The following TDRD9 variants were observed in gnomAD, a reference collection of about 807,000 sequenced individuals.
TDRD9 encodes the protein tudor domain containing 9, also known as ATP-dependent RNA helicase TDRD9.
Under a neutral mutation model 172.6 loss-of-function variants are expected in TDRD9, and 124 were observed. The ratio of observed to expected loss-of-function variants is 0.72; its 90% CI spans 0.62 to 0.83. The LOEUF is 0.83. Among genes scored for constraint, TDRD9 ranks in the 40% least tolerant of loss-of-function variants. The probability of loss-of-function intolerance (pLI) is 0.00; values close to 1 mark genes in which losing one functional copy is unlikely to be tolerated. For missense variants in TDRD9, 1,479 were observed against 1,714.1 expected (o/e 0.86, Z 2.42); for synonymous variants, 619 against 617.1 (o/e 1.00, Z -0.05).
chr14:104,006,283 T>G, intron 15 of TDRD9, 106 bp from the exon 16 acceptor site: 1 of 871,556 alleles, frequency 1.1e-6, no homozygotes, highest in South Asian at 1.8e-5. Flanking sequence ...TAGAATGTTA[T>G]TCACCAAAAT....
chr14:103,935,801 C>T (rs191782133), intron 1 of TDRD9, among the ~76,000 whole-genome samples: 4 of 152,256 alleles, frequency 2.6e-5, no homozygotes, highest in East Asian at 3.9e-4. Context: ...TAGTGCCCTG[C>T]ACACGCATAT....
chr14:103,999,619 C>CT (rs889915089), intron 13 of TDRD9, among the ~76,000 whole-genome samples: 11 of 143,622 alleles, frequency 7.7e-5, no homozygotes, highest in East Asian at 2.0e-4. Flanking sequence ...TGAGAAGTGG[C>CT]TTTTTTTTTT....
intron 2 of TDRD9, among the ~76,000 whole-genome samples, chr14:103,962,258 C>G (rs974851256): frequency 2.0e-5 from 3 of 151,878 alleles, no homozygotes; most frequent in Admixed American, 6.6e-5. Context: ...ATTTTAGTAG[C>G]AGGGAATGCA....
Position 104,052,338 on chromosome 14 carries a change from G to T in TDRD9, c.*256G>T. On this transcript the variant is annotated 3_prime_UTR_variant, in exon 36 of 36. Transcript: ENST00000409874. Reference sequence around the variant, plus strand: ...CTGTATTAAATATTTTGGAAAGATTGTTCTGAAAGAAGTCTGTTTGGATAA... The same window carrying T: ...CTGTATTAAATATTTTGGAAAGATTTTTCTGAAAGAAGTCTGTTTGGATAA... The T allele has an allele frequency of 3.6e-6, 1 of 275,692 alleles. No individual in the cohort carries two copies. The highest frequency in any genetic ancestry group is 6.9e-6 in the Non-Finnish European group (1 of 144,664). The allele number at this position is 275,692 out of a possible 1,614,324, so 17.1% of individuals were successfully genotyped here.
chr14:103,986,291 G>A lies in TDRD9; in HGVS notation c.1086G>A (p.Met362Ile), dbSNP rs757301272. 24 of 1,613,280 alleles carry A rather than the reference G, an allele frequency of 1.5e-5. No individual in the cohort carries two copies. Among genetic ancestry groups the A allele is most frequent in the Non-Finnish European group, 1.8e-5 (21 of 1,179,432 alleles). The change falls in exon 8 of 36, where the codon ATG becomes ATA. Residue 362 changes from methionine to isoleucine, a missense_variant. Met to Ile is a conservative substitution (Grantham distance 10, BLOSUM62 1). This residue lies in a region of TDRD9 where 1,413 missense variants were observed against 1,649.1 expected (regional missense o/e 0.86). Coordinates refer to ENST00000409874, the MANE Select transcript of TDRD9 (RefSeq NM_153046.3). The part of the protein sequence containing the change: ...IYEVAVSLIQ[M>I]FDDLDMKESG... The stretch of plus-strand genomic sequence containing the variant: ...AAGTTGCTGTCTCTCTCATTCAGAT[G>A]TTTGATGACTTGGATATGAAGGAGA...
At chr14:103,979,479 G>A (rs955666457) in intron 7 of TDRD9, among the ~76,000 whole-genome samples, 4 of 152,210 alleles carry the variant, frequency 2.6e-5, no homozygotes, top group African/African-American at 9.7e-5. Context: ...TGGTGAGACT[G>A]GAAGAAGGTG....
At chr14:104,049,776 G>T (rs2035889668) in intron 35 of TDRD9, 96 bp downstream of exon 35, 2 of 1,064,254 alleles carry the variant, frequency 1.9e-6, no homozygotes, top group Middle Eastern at 3.0e-4. Context: ...GCTGGCCGAG[G>T]GTCTGAGAGG....
intron 21 of TDRD9, among the ~76,000 whole-genome samples, chr14:104,015,157 CTTTTG>C (rs1236651135): frequency 6.6e-6 from 1 of 152,008 alleles, no homozygotes; most frequent in Non-Finnish European, 1.5e-5. Context: ...AGGAGAGATC[CTTTTG>C]TTTTAGCTTT....
chr14:104,048,129 T>A (rs2035834828), intron 34 of TDRD9, among the ~76,000 whole-genome samples: 1 of 152,308 alleles, frequency 6.6e-6, no homozygotes, highest in South Asian at 2.1e-4. Flanking sequence ...GTTTTTGGGT[T>A]TTGTGGTTTT....
At chr14:103,950,710 A>G (rs1043924467) in intron 1 of TDRD9, among the ~76,000 whole-genome samples, 1 of 152,174 alleles carries the variant, frequency 6.6e-6, no homozygotes, top group African/African-American at 2.4e-5. Context: ...TGCTCATCAA[A>G]CGCTTAGCAA....
In TDRD9 at chr14:104,032,035, T is replaced by A. The variant is rs902826081; in HGVS notation, c.3457T>A (p.Phe1153Ile). 2 of 1,549,480 alleles carry A rather than the reference T, an allele frequency of 1.3e-6. No homozygotes were observed. Among genetic ancestry groups the A allele is most frequent in the Non-Finnish European group, 1.7e-6 (2 of 1,146,442 alleles). Reference sequence around the variant, plus strand: ...CACGCAGGCAGAACTTCACGGGCCTTTTAACCCTTATGAACTAAAGTGCCA... The same window carrying A: ...CACGCAGGCAGAACTTCACGGGCCTATTAACCCTTATGAACTAAAGTGCCA... ...PNCKAELHGP[F>I]NPYELKCHSL... Residue 1153 changes from phenylalanine to isoleucine, a missense_variant, in exon 30 of 36, where the codon TTT (phenylalanine) becomes ATT (isoleucine). Physicochemically the swap from Phe to Ile is conservative, Grantham distance 21 (BLOSUM62 0). Transcript: ENST00000409874.
chr14:104,026,970 G>GTT (rs773562966), intron 28 of TDRD9, 31 bp downstream of exon 28: 1 of 1,606,300 alleles, frequency 6.2e-7, no homozygotes, highest in East Asian at 2.2e-5. Flanking sequence ...TGGAGCACGC[G>GTT]TTTGTGTGAG....
chr14:103,941,487 G>C (rs971166420), intron 1 of TDRD9: 8 of 1,535,108 alleles, frequency 5.2e-6, no homozygotes, highest in Non-Finnish European at 7.0e-6. Flanking sequence ...AGTTGTGTGG[G>C]GATTCTGGTA....
intron 20 of TDRD9, among the ~76,000 whole-genome samples, chr14:104,009,892 A>G (rs1342080321): frequency 1.3e-5 from 2 of 151,946 alleles, no homozygotes; most frequent in East Asian, 3.9e-4. Context: ...CAGCCTCTGC[A>G]GTAGCTGGAA....
chr14:104,051,914 A>T (rs374626418), intron 35 of TDRD9, 67 bp from the exon 36 acceptor site: 1 of 937,058 alleles, frequency 1.1e-6, no homozygotes, highest in African/African-American at 1.6e-5. Context: ...ATGTTAATGC[A>T]TGTGTATTTT....
At position 103,997,613 on chromosome 14, in the gene TDRD9, G is replaced by A. The variant is rs1305913361; in HGVS notation, c.1379-1011G>A. Among the ~76,000 whole-genome samples the A allele has an allele frequency of 6.6e-6, 1 of 152,260 alleles. No homozygotes were observed. The highest frequency in any genetic ancestry group is 6.5e-5 in the Admixed American group (1 of 15,294). On this transcript the variant is annotated intron_variant, in intron 12 of 35. Transcript: ENST00000409874. The surrounding 1 kb of genome is among the most constrained non-coding windows in gnomAD (Gnocchi z 5.1). ...CGTCAGCCCGTGACTGGCGTTGGAA[G>A]GCAGGAACCTGGCCAAGCTCTTCTG... is the stretch of plus-strand genomic sequence containing the variant.
At chr14:103,983,435 A>G (rs560938102) in intron 7 of TDRD9, among the ~76,000 whole-genome samples, 31 of 152,250 alleles carry the variant, frequency 2.0e-4, no homozygotes, top group African/African-American at 7.0e-4. Flanking sequence ...TGGAAAAAAA[A>G]TTTGCCCCTG....
intron 6 of TDRD9, among the ~76,000 whole-genome samples, chr14:103,973,348 G>A (rs1184705610): frequency 6.6e-6 from 1 of 152,146 alleles, no homozygotes; most frequent in Non-Finnish European, 1.5e-5. Flanking sequence ...ACGGGCACAT[G>A]GGCTTTAAGG....
At chr14:103,954,876 G>A (rs534373111) in intron 1 of TDRD9, among the ~76,000 whole-genome samples, 4 of 151,954 alleles carry the variant, frequency 2.6e-5, no homozygotes, top group East Asian at 1.9e-4. Flanking sequence ...TGATCCGCCC[G>A]CCTTGGTCTC....
Sources: gnomAD v4.1 joint callset for allele counts (sites outside exome capture counted in the v4.1 genomes callset) on GRCh38, gnomAD v4.1.1 for gene constraint, gnomAD v4.1.1 regional missense constraint, Gnocchi (gnomAD v3.1) non-coding constraint, MANE v1.5 for transcripts, NCBI Gene and HGNC (gene_info 2026-07-23, HGNC 2026-07-21) for gene names.